The following MARCHF10 variants were observed in gnomAD, a reference collection of about 807,000 sequenced individuals.
MARCHF10 encodes the protein membrane associated ring-CH-type finger 10.
A neutral mutation model predicts 76.2 loss-of-function variants in MARCHF10; 64 were observed. That is an observed-to-expected ratio of 0.84 (90% CI 0.69 to 1.03). MARCHF10 has a LOEUF of 1.03. MARCHF10 is among the 50% of genes least tolerant of loss of function. The pLI is 0.00. For missense variants in MARCHF10, 875 were observed against 958.0 expected (o/e 0.91, Z 1.14); for synonymous variants, 340 against 357.5 (o/e 0.95, Z 0.55).
In MARCHF10 at chr17:62,701,455, G is replaced by C; in HGVS notation, c.*248C>G. The C allele has an allele frequency of 2.3e-6, 2 of 864,434 alleles. No homozygotes were observed. Among genetic ancestry groups the C allele is most frequent in the Middle Eastern group, 3.8e-4 (1 of 2,646 alleles). The allele number at this position is 864,434 out of a possible 1,614,324, so 53.5% of individuals were successfully genotyped here. On this transcript the variant is annotated 3_prime_UTR_variant, in exon 11 of 11. Coordinates refer to ENST00000311269, the MANE Select transcript of MARCHF10 (RefSeq NM_152598.4). Reference sequence around the variant, plus strand: ...TTCTGGGCTAAGGGGGCAGCACCAGGCCAGCCTGCCAGGGGCTCCACAGTC... The same window carrying C: ...TTCTGGGCTAAGGGGGCAGCACCAGCCCAGCCTGCCAGGGGCTCCACAGTC...
chr17:62,784,907 C>A (rs2092720783), intron 3 of MARCHF10, among the ~76,000 whole-genome samples: 1 of 152,178 alleles, frequency 6.6e-6, no homozygotes, highest in South Asian at 2.1e-4. Flanking sequence ...ATTCCATGCT[C>A]ATGGATAGGA....
chr17:62,775,515 G>T (rs1232179796), intron 3 of MARCHF10, among the ~76,000 whole-genome samples: 1 of 151,648 alleles, frequency 6.6e-6, no homozygotes, highest in East Asian at 1.9e-4. Context: ...CTCGGGGGGG[G>T]GCGTGGCTTA....
chr17:62,723,366 T>C (rs975868882), intron 7 of MARCHF10, among the ~76,000 whole-genome samples: 1 of 151,672 alleles, frequency 6.6e-6, no homozygotes, highest in Non-Finnish European at 1.5e-5. Context: ...GATGTACTGG[T>C]GTTTATTTTA....
chr17:62,768,229 T>C (rs1174111814), intron 3 of MARCHF10, among the ~76,000 whole-genome samples: 1 of 152,134 alleles, frequency 6.6e-6, no homozygotes, highest in Non-Finnish European at 1.5e-5. Flanking sequence ...AATTGTACCA[T>C]TCATATGGGC....
intron 6 of MARCHF10, among the ~76,000 whole-genome samples, chr17:62,733,399 C>T (rs995340295): frequency 1.3e-5 from 2 of 152,156 alleles, no homozygotes; most frequent in Non-Finnish European, 2.9e-5. Flanking sequence ...CATGAAAATG[C>T]AAACTCAAGC....
At chr17:62,709,187 A>G (rs936333223) in intron 9 of MARCHF10, among the ~76,000 whole-genome samples, 8 of 152,176 alleles carry the variant, frequency 5.3e-5, no homozygotes, top group Non-Finnish European at 8.8e-5. Context: ...CACCATTAAC[A>G]GGCATTTGTC....
chr17:62,776,635 CA>C (rs2092559516), intron 3 of MARCHF10, among the ~76,000 whole-genome samples: 1 of 152,204 alleles, frequency 6.6e-6, no homozygotes, highest in Non-Finnish European at 1.5e-5. Context: ...GAGGGGTTTG[CA>C]CACCAGTATT....
At chr17:62,737,437 C>T in intron 5 of MARCHF10, 105 bp from the exon 6 acceptor site, 2 of 1,052,780 alleles carry the variant, frequency 1.9e-6, no homozygotes, top group East Asian at 2.4e-5. Context: ...CAGACAAGAC[C>T]TAGAGAAGAA....
At chr17:62,705,160 G>A (rs2147538314) in intron 10 of MARCHF10, 1 of 1,183,454 alleles carries the variant, frequency 8.4e-7, no homozygotes, top group South Asian at 1.9e-5. Flanking sequence ...CCCTGCCAGG[G>A]CTTGGGGAGG....
In MARCHF10 at chr17:62,736,263, A is replaced by C. The variant is rs756932328; in HGVS notation, c.1605T>G (p.Ser535Arg). ...CTTCCCTGACAGCAAATTCGTGTGC[A>C]CTGTTTACTGGGAAATAATTATGGT... is the stretch of plus-strand genomic sequence containing the variant. ...AENHNYFPVN[S>R]AHEFAVREAE... The change falls in exon 6 of 11, where the codon AGT becomes AGG. Residue 535 changes from serine (S) to arginine (R), a missense_variant. Coordinates refer to ENST00000311269, the MANE Select transcript of MARCHF10 (RefSeq NM_152598.4). 3 of 1,614,118 alleles carry C rather than the reference A, an allele frequency of 1.9e-6. No homozygotes were observed. In the East Asian group the frequency reaches 6.7e-5, roughly 36 times the overall value.
intron 2 of MARCHF10, chr17:62,795,079 T>C: frequency 1.0e-6 from 1 of 985,192 alleles, no homozygotes; most frequent in Non-Finnish European, 1.2e-6. Context: ...GAAAAGTTGA[T>C]TTATCCCCAT....
At chr17:62,755,649 G>T (rs769139453) in intron 4 of MARCHF10, among the ~76,000 whole-genome samples, 9 of 152,198 alleles carry the variant, frequency 5.9e-5, no homozygotes, top group Admixed American at 2.0e-4. Flanking sequence ...GTGAGACCCG[G>T]CCAGGTCTTG....
At position 62,736,045 on chromosome 17, in the gene MARCHF10, T is replaced by C; in HGVS notation, c.1823A>G (p.His608Arg). ...CCCATTATCATTTTGATTTGGGAAA[T>C]GAGACACTGCAAAGAAAGTAAATGG... ...NTPFTFFAVS[H>R]FPNQNDNGSR... is the part of the protein sequence containing the mutation. Residue 608 changes from histidine to arginine, a missense_variant, in exon 6 of 11, where the codon CAT (histidine) becomes CGT (arginine). His to Arg is a conservative substitution (Grantham distance 29). Coordinates refer to ENST00000311269, the MANE Select transcript of MARCHF10 (RefSeq NM_152598.4). 3.7e-6 allele frequency: 6 copies of C among 1,614,208 alleles called. No individual in the cohort carries two copies. Among genetic ancestry groups the C allele is most frequent in the South Asian group, 1.1e-5 (1 of 91,082 alleles).
intron 5 of MARCHF10, among the ~76,000 whole-genome samples, chr17:62,739,416 C>T (rs1372882042): frequency 2.0e-5 from 3 of 149,190 alleles, no homozygotes; most frequent in Non-Finnish European, 4.4e-5. Flanking sequence ...GAGTTTCACT[C>T]TTTTTGCTGG....
At position 62,767,678 on chromosome 17, in the gene MARCHF10, T is replaced by C. The variant is rs2092364414; in HGVS notation, c.211-7672A>G. Among the ~76,000 whole-genome samples, 8 of 152,226 alleles carry C rather than the reference T, an allele frequency of 5.3e-5. No individual in the cohort carries two copies. In the South Asian group the frequency reaches 1.5e-3, roughly 28 times the overall value. ...GTTGGCCAGACTGGTCTTGAACTACTGACCTCAAGTGATCCACCTGCCTCA... is the reference window on the plus strand; with the variant it reads ...GTTGGCCAGACTGGTCTTGAACTACCGACCTCAAGTGATCCACCTGCCTCA... On this transcript the variant is annotated intron_variant, in intron 3 of 10. Coordinates refer to ENST00000311269, the MANE Select transcript of MARCHF10 (RefSeq NM_152598.4).
intron 3 of MARCHF10, among the ~76,000 whole-genome samples, chr17:62,761,056 G>GA (rs2092188510): frequency 6.6e-6 from 1 of 152,162 alleles, no homozygotes; most frequent in African/African-American, 2.4e-5. Context: ...CCTGACTCAG[G>GA]AAAATACTCT....
In MARCHF10 at chr17:62,744,754, A is replaced by G. The variant is rs149773918; in HGVS notation, c.383-226T>C. ...CACCTCTCCAAGCCTCAGTTTCCCTACCTGCTACATGGAAATAATCATGCC... is the reference window on the plus strand; with the variant it reads ...CACCTCTCCAAGCCTCAGTTTCCCTGCCTGCTACATGGAAATAATCATGCC... On this transcript the variant is annotated intron_variant, in intron 4 of 10. Coordinates refer to ENST00000311269, the MANE Select transcript of MARCHF10 (RefSeq NM_152598.4). Among the ~76,000 whole-genome samples the G allele has an allele frequency of 1.6e-4, 24 of 152,158 alleles. No individual in the cohort carries two copies. The East Asian group carries it at 4.7e-3, about 29-fold the overall frequency.
intron 2 of MARCHF10, among the ~76,000 whole-genome samples, chr17:62,796,996 A>G (rs1363686946): frequency 6.6e-6 from 1 of 152,164 alleles, no homozygotes; most frequent in Non-Finnish European, 1.5e-5. Context: ...CACCTGGACA[A>G]CAGAGCAAGA....
At chr17:62,789,930 T>A (rs1448050962) in intron 2 of MARCHF10, among the ~76,000 whole-genome samples, 2 of 152,112 alleles carry the variant, frequency 1.3e-5, no homozygotes, top group Admixed American at 6.6e-5. Context: ...CAAGAGTCTG[T>A]CTCAAAAAAT....
Sources: allele counts gnomAD v4.1 joint callset (sites outside exome capture counted in the v4.1 genomes callset), GRCh38; gene constraint gnomAD v4.1.1; transcripts MANE v1.5; gene names NCBI Gene and HGNC (gene_info 2026-07-23, HGNC 2026-07-21).